Variants in CPNE2 observed in about 807,000 individuals in gnomAD.
CPNE2 encodes copine 2.
CPNE2 carries 42 observed loss-of-function variants against 69.7 expected under a neutral mutation model. The ratio of observed to expected loss-of-function variants is 0.60; its 90% CI spans 0.47 to 0.78. The LOEUF (loss-of-function observed/expected upper bound fraction) is 0.78. Among genes scored for constraint, CPNE2 ranks in the 30% least tolerant of loss-of-function variants. The pLI is 0.00. For missense variants in CPNE2, 587 were observed against 732.0 expected, an observed-to-expected ratio of 0.80 and a Z score of 2.29; for synonymous variants, 294 against 289.8, an observed-to-expected ratio of 1.01 and a Z score of -0.15.
At chr16:57,145,474 A>G (rs2069950099) in intron 14 of CPNE2, among the ~76,000 whole-genome samples, 1 of 152,224 alleles carries the variant, frequency 6.6e-6, no homozygotes, top group African/African-American at 2.4e-5. Context: ...ACACTCCTGG[A>G]AGCCCTGGCC....
chr16:57,110,131 C>A (rs2069671309), intron 1 of CPNE2, among the ~76,000 whole-genome samples: 1 of 152,156 alleles, frequency 6.6e-6, no homozygotes, highest in Admixed American at 6.5e-5. Context: ...AGCTGTGCAT[C>A]CTTACAGGTG....
In CPNE2 at chr16:57,123,483, T is replaced by A. The variant is rs746322572; in HGVS notation, c.927+10T>A. 34 of 1,612,642 alleles carry A rather than the reference T, an allele frequency of 2.1e-5. No homozygotes were observed. The Admixed American group carries it at 3.3e-4, about 16-fold the overall frequency. On this transcript the variant is annotated intron_variant, in intron 10 of 15. Transcript: ENST00000290776. ...CCAGCTCATGTTCACCGTAAGGCTC[T>A]CCCCGCTGGCTCCCTCTGCACCCCC... is the stretch of plus-strand genomic sequence containing the variant.
chr16:57,105,768 G>A (rs185644995), intron 1 of CPNE2, among the ~76,000 whole-genome samples: 6 of 152,266 alleles, frequency 3.9e-5, no homozygotes, highest in African/African-American at 1.4e-4. Flanking sequence ...CTCCTTGCCT[G>A]GGGGGTCTGG....
At position 57,110,918 on chromosome 16, in the gene CPNE2, T is replaced by A. The variant is rs1393408723; in HGVS notation, c.176T>A (p.Ile59Asn). The A allele has an allele frequency of 6.2e-7, 1 of 1,610,372 alleles. No homozygotes were observed. The highest frequency in any genetic ancestry group is 8.5e-7 in the Non-Finnish European group (1 of 1,178,172). ...TTTACAGAGAACAATGGCAGATGGA[T>A]CGAGGTGAGGCTCTTCCGTGTGTCT... Reference protein sequence around the residue: ...VLFTENNGRWIEYDRTETAIN... With the variant: ...VLFTENNGRWNEYDRTETAIN... The change falls in exon 2 of 16, where the codon ATC becomes AAC. Residue 59 changes from isoleucine to asparagine, a missense_variant. This residue lies in a region of CPNE2 where 96 missense variants were observed against 94.9 expected (regional missense o/e 1.01). Transcript: ENST00000290776.
At chr16:57,119,171 C>T in intron 5 of CPNE2, 24 bp from the exon 6 acceptor site, 2 of 1,607,116 alleles carry the variant, frequency 1.2e-6, no homozygotes, top group Non-Finnish European at 1.7e-6. Context: ...ACCTCTCTCA[C>T]CCGCATCCTC....
chr16:57,137,328 C>A, intron 14 of CPNE2, 46 bp downstream of exon 14: 2 of 1,607,854 alleles, frequency 1.2e-6, no homozygotes, highest in South Asian at 1.1e-5. Flanking sequence ...ACACGCACGT[C>A]CTCTGGGCTG....
intron 1 of CPNE2, among the ~76,000 whole-genome samples, chr16:57,100,987 ATAAAGG>A (rs1345462787): frequency 6.6e-6 from 1 of 152,202 alleles, no homozygotes; most frequent in Non-Finnish European, 1.5e-5. Flanking sequence ...GTTTGGTCAA[ATAAAGG>A]TAGTTTTTAG....
chr16:57,119,568 A>G lies in CPNE2; in HGVS notation c.599A>G (p.Lys200Arg). 1.2e-6 allele frequency: 2 copies of G among 1,612,318 alleles called. No homozygotes were observed. Among genetic ancestry groups the G allele is most frequent in the Non-Finnish European group, 1.7e-6 (2 of 1,179,120 alleles). Residue 200 changes from lysine to arginine, a missense_variant, in exon 7 of 16, where the codon AAG becomes AGG. Physicochemically the swap from Lys to Arg is conservative, Grantham distance 26. Transcript: ENST00000290776. Reference sequence around the variant, plus strand: ...TCCCTCTCTGTCCCACAGGTGATCAAGTACACACTGGACCCTGTGTGGAAG... The same window carrying G: ...TCCCTCTCTGTCCCACAGGTGATCAGGTACACACTGGACCCTGTGTGGAAG... ...WMLVHRTEVI[K>R]YTLDPVWKPF...
At chr16:57,117,115 A>AGGAAGCTGTGCTCTCTGT (rs1468789877) in intron 4 of CPNE2, among the ~76,000 whole-genome samples, 1 of 152,008 alleles carries the variant, frequency 6.6e-6, no homozygotes, top group Non-Finnish European at 1.5e-5. Context: ...TGGTGTTCTG[A>AGGAAGCTGTGCTCTCTGT]GGAAGCTGTG....
chr16:57,113,392 C>T lies in CPNE2; in HGVS notation c.285C>T (p.Leu95=). ...FEEVQKLKFA[L]FDQDKSSMRL... ...AGGTACAGAAGCTCAAGTTCGCGCT[C>T]TTTGACCAGGACAAGTCCAGTATGC... is the stretch of plus-strand genomic sequence containing the variant. The change falls in exon 3 of 16, where the codon CTC becomes CTT. Residue 95 remains leucine (L), a synonymous_variant. Transcript: ENST00000290776. 6.2e-7 allele frequency: 1 copy of T among 1,614,200 alleles called. No homozygotes were observed. Among genetic ancestry groups the T allele is most frequent in the South Asian group, 1.1e-5 (1 of 91,084 alleles).
Position 57,119,587 on chromosome 16 carries a change from G to A in CPNE2, c.618G>A (p.Val206=), listed in dbSNP as rs371600264. ...TGATCAAGTACACACTGGACCCTGT[G>A]TGGAAGCCATTCACAGTGCCCTTGG... ...TEVIKYTLDP[V]WKPFTVPLVS... is the part of the protein sequence containing the mutation. The change falls in exon 7 of 16, where the codon GTG becomes GTA. Residue 206 remains valine (V), a synonymous_variant. Transcript: ENST00000290776. 4.3e-6 allele frequency: 7 copies of A among 1,613,112 alleles called. No individual in the cohort carries two copies. Among genetic ancestry groups the A allele is most frequent in the Admixed American group, 1.7e-5 (1 of 59,814 alleles).
chr16:57,129,847 A>G (rs915742837), intron 12 of CPNE2, among the ~76,000 whole-genome samples: 1 of 152,014 alleles, frequency 6.6e-6, no homozygotes, highest in Non-Finnish European at 1.5e-5. Flanking sequence ...TTGATGGGTC[A>G]ATGGGTTTGG....
At chr16:57,141,424 C>A (rs2069921997) in intron 14 of CPNE2, 1 of 152,342 alleles carries the variant, frequency 6.6e-6, no homozygotes, top group African/African-American at 2.4e-5. Context: ...TGGAAAAGCT[C>A]TGTCACCCAC....
At chr16:57,097,458 A>G (rs1406177674) in intron 1 of CPNE2, among the ~76,000 whole-genome samples, 1 of 152,200 alleles carries the variant, frequency 6.6e-6, no homozygotes, top group African/African-American at 2.4e-5. Flanking sequence ...CAAGTGAAAG[A>G]GGGATTACAT....
At chr16:57,128,247 A>G (rs1248192181) in intron 12 of CPNE2, among the ~76,000 whole-genome samples, 1 of 152,118 alleles carries the variant, frequency 6.6e-6, no homozygotes, top group Non-Finnish European at 1.5e-5. Context: ...TTATTTATTT[A>G]GAGACAGAGT....
At chr16:57,139,930 A>G (rs2069909476) in intron 14 of CPNE2, among the ~76,000 whole-genome samples, 1 of 152,164 alleles carries the variant, frequency 6.6e-6, no homozygotes, top group African/African-American at 2.4e-5. Context: ...TTAGGATTAA[A>G]TAAGATCACT....
chr16:57,120,454 A>T (rs1319326352), intron 7 of CPNE2, among the ~76,000 whole-genome samples: 1 of 147,170 alleles, frequency 6.8e-6, no homozygotes, highest in Non-Finnish European at 1.5e-5. Flanking sequence ...AAAAAAAAAA[A>T]TTATAAAATA....
At chr16:57,134,978 A>G in intron 13 of CPNE2, 152 bp downstream of exon 13, 1 of 861,332 alleles carries the variant, frequency 1.2e-6, no homozygotes. Flanking sequence ...GAAGAGCTGC[A>G]GTTTGGAGTC....
At chr16:57,093,294 G>C (rs534392277) in intron 1 of CPNE2, among the ~76,000 whole-genome samples, 1 of 152,018 alleles carries the variant, frequency 6.6e-6, no homozygotes, top group Non-Finnish European at 1.5e-5. Context: ...GGAGCGCAGA[G>C]GGGGAGTGGA....
Sources: gnomAD v4.1 joint callset for allele counts (sites outside exome capture counted in the v4.1 genomes callset) on GRCh38, gnomAD v4.1.1 for gene constraint, gnomAD v4.1.1 regional missense constraint, MANE v1.5 for transcripts, NCBI Gene and HGNC (gene_info 2026-07-23, HGNC 2026-07-21) for gene names.